Variants in IRF7 observed in about 807,000 individuals in gnomAD.
IRF7 encodes interferon regulatory factor-7H.
A neutral mutation model predicts 51.3 loss-of-function variants in IRF7; 67 were observed. The ratio of observed to expected loss-of-function variants is 1.31; its 90% CI spans 1.07 to 1.60. The LOEUF is 1.60. Ranked by LOEUF, IRF7 falls within the 40% of genes most tolerant of loss-of-function variation. The pLI is 0.00. For synonymous variants in IRF7, 427 were observed against 301.3 expected, an observed-to-expected ratio of 1.42 and a Z score of -4.32; for missense variants, 873 against 701.5, an observed-to-expected ratio of 1.24 and a Z score of -2.76.
Position 615,483 on chromosome 11 carries a change from G to T in IRF7, c.-119C>A. On this transcript the variant is annotated 5_prime_UTR_variant, in exon 2 of 11. Transcript: ENST00000525445. ...GGTCGTGTGGCCAGGTGTCACAGGT[G>T]TCCACAGGTGTGGACTGAGGGCTTG... is the stretch of plus-strand genomic sequence containing the variant. The T allele has an allele frequency of 8.4e-7, 1 of 1,192,632 alleles. No homozygotes were observed. Among genetic ancestry groups the T allele is most frequent in the Non-Finnish European group, 1.1e-6 (1 of 878,328 alleles). 73.9% of individuals were successfully genotyped at this position (1,192,632 alleles called of 1,614,324 possible). A position where few individuals can be genotyped will look rare whatever the true frequency, so the allele number is the denominator to read the frequency against.
rs979593621 is a variant in IRF7, at chr11:613,309, C to T, written c.1134G>A (p.Trp378Ter). The part of the protein sequence containing the change: ...ARRMGKCKVY[W>*]EVGGPPGSAS... The stretch of plus-strand genomic sequence containing the variant: ...CGGAGCCTGGGGGTCCGCCCACCTC[C>T]CAGTACACCTTGCACTTGCCCATGC... The change falls in exon 9 of 11, where the codon TGG (tryptophan) becomes TGA (stop). Residue 378 changes from tryptophan (W) to a stop codon, truncating the protein, a stop_gained. Transcript: ENST00000525445. LOFTEE classifies it high-confidence loss of function. 1 of 1,611,866 alleles carries T rather than the reference C, an allele frequency of 6.2e-7. No homozygotes were observed. The highest frequency in any genetic ancestry group is 8.5e-7 in the Non-Finnish European group (1 of 1,179,640).
At chr11:615,322 G>C in intron 2 of IRF7, 23 bp downstream of exon 2, 1 of 1,562,176 alleles carries the variant, frequency 6.4e-7, no homozygotes, top group Non-Finnish European at 8.6e-7. Flanking sequence ...CTGGCATCTG[G>C]AGAGGGTGGG....
rs759055899 is a variant in IRF7, at chr11:614,275, G to A, written c.578C>T (p.Ala193Val). 1 of 1,612,388 alleles carries A rather than the reference G, an allele frequency of 6.2e-7. No homozygotes were observed. Among genetic ancestry groups the A allele is most frequent in the Non-Finnish European group, 8.5e-7 (1 of 1,179,676 alleles). The change falls in exon 6 of 11, where the codon GCA becomes GTA. Residue 193 changes from alanine to valine, a missense_variant. By Grantham distance (64) the Ala-to-Val change is moderately conservative. Coordinates refer to ENST00000525445, the MANE Select transcript of IRF7 (RefSeq NM_001572.5). Reference protein sequence around the residue: ...LLQAVQQSCLADHLLTASWGA... With the variant: ...LLQAVQQSCLVDHLLTASWGA... ...CCATGACGCTGTCAGCAGATGGTCT[G>A]CCAGGCAGCTCTGTTGCACTGCCTG...
At chr11:615,053 G>A (rs1438659681) in intron 3 of IRF7, 44 bp downstream of exon 3, 25 of 1,557,960 alleles carry the variant, frequency 1.6e-5, no homozygotes, top group Non-Finnish European at 2.0e-5. Flanking sequence ...CGGGGTCCTA[G>A]GCGGGCTCTC....
At position 615,289 on chromosome 11, in the gene IRF7, G is replaced by T. The variant is rs753951865; in HGVS notation, c.21-30C>A. ...GGGTGCCCGGCCGCGGAGAGTCAGG[G>T]CCGGCTGCAGGGCGCTCGGGGACTG... On this transcript the variant is annotated intron_variant, in intron 2 of 10. Coordinates refer to ENST00000525445, the MANE Select transcript of IRF7 (RefSeq NM_001572.5). 2.5e-6 allele frequency: 4 copies of T among 1,575,970 alleles called. No homozygotes were observed. Among genetic ancestry groups the T allele is most frequent in the African/African-American group, 2.7e-5 (2 of 74,378 alleles).
Position 613,258 on chromosome 11 carries a change from C to A in IRF7, c.1185G>T (p.Leu395=). 1.3e-6 allele frequency: 2 copies of A among 1,599,240 alleles called. No homozygotes were observed. The highest frequency in any genetic ancestry group is 8.5e-7 in the Non-Finnish European group (1 of 1,173,810). Residue 395 remains leucine, a synonymous_variant, in exon 9 of 11, where the codon CTG becomes CTT. Transcript: ENST00000525445. ...TGGGGGTGTCACAGTTCCGAGGCAG[C>A]AGGCAGGCTGGGGTGGAGGGGCTGG... ...GSASPSTPAC[L]LPRNCDTPIF...
At position 614,411 on chromosome 11, in the gene IRF7, A is replaced by G; in HGVS notation, c.454-12T>C. The stretch of plus-strand genomic sequence containing the variant: ...CCTGGGGGCCCACCCTGCAGGGAAA[A>G]GTCAGGGTGAACGTAAGCAGCTCCG... On this transcript the variant is annotated splice_polypyrimidine_tract_variant and intron_variant, in intron 5 of 10. Transcript: ENST00000525445. The G allele has an allele frequency of 5.0e-6, 8 of 1,595,274 alleles. No homozygotes were observed. Among genetic ancestry groups the G allele is most frequent in the Non-Finnish European group, 6.8e-6 (8 of 1,171,200 alleles).
rs1168575723 is a variant in IRF7 at position 613,935 on chromosome 11, C to T, written c.766+16G>A. ...TCTCCCTGTGCCCCAGGCCTCCCAA[C>T]CCCTACCCCTCTCACCTGTCGTTAG... is the stretch of plus-strand genomic sequence containing the variant. On this transcript the variant is annotated intron_variant, in intron 7 of 10. Transcript: ENST00000525445. 1.2e-6 allele frequency: 2 copies of T among 1,604,326 alleles called. No homozygotes were observed. The highest frequency in any genetic ancestry group is 1.7e-6 in the Non-Finnish European group (2 of 1,176,924).
rs1442045473 is a variant in IRF7 at position 613,725 on chromosome 11, ACAAGCCGTGAGTGACGGGGGTGGG to A, written c.847+36_847+59del. ...GGATGTGAGTGATGGGTGGGCGGGG[ACAAGCCGTGAGTGACGGGGGTGGG>A]CGGGGACAGGCTGCCCCTTCCTGGG... On this transcript the variant is annotated intron_variant, in intron 8 of 10. Transcript: ENST00000525445. The A allele has an allele frequency of 3.9e-5, 40 of 1,019,934 alleles. 1 individual carries two copies. In the East Asian group the frequency reaches 7.9e-4, roughly 20 times the overall value. The allele number at this position is 1,019,934 out of a possible 1,614,324, so 63.2% of individuals were successfully genotyped here.
chr11:612,711 C>CAGGCAG lies in IRF7; in HGVS notation c.1440_1445dup (p.Cys481_Leu482dup). On this transcript the variant is annotated inframe_insertion, in exon 11 of 11. Transcript: ENST00000525445. ...CGTCATAGAGGCTGTTGGCGCTGGA[C>CAGGCAG]AGGCAGAGGCTGAGGCTGCTGCTAT... 1.9e-6 allele frequency: 3 copies of CAGGCAG among 1,612,944 alleles called. No individual in the cohort carries two copies. The highest frequency in any genetic ancestry group is 2.5e-6 in the Non-Finnish European group (3 of 1,180,008).
In IRF7 at chr11:615,085, TG is replaced by T. The variant is rs774493349; in HGVS notation, c.183+11del. Reference sequence around the variant, plus strand: ...TCTCCCACCCGGGGCGGGGCGGGGCTGGGGTCCCCACCTTGAAGATGCGCGC... The same window carrying T: ...TCTCCCACCCGGGGCGGGGCGGGGCTGGGTCCCCACCTTGAAGATGCGCGC... On this transcript the variant is annotated intron_variant, in intron 3 of 10. Transcript: ENST00000525445. 40 of 1,574,304 alleles carry T rather than the reference TG, an allele frequency of 2.5e-5. No individual in the cohort carries two copies. In the African/African-American group the frequency reaches 3.6e-4, roughly 14 times the overall value.
In IRF7 at chr11:613,096, C is replaced by T. The variant is rs377416331; in HGVS notation, c.1259G>A (p.Arg420Gln). 159 of 1,612,950 alleles carry T rather than the reference C, an allele frequency of 9.9e-5. 1 individual carries two copies. Among genetic ancestry groups the T allele is most frequent in the Middle Eastern group, 3.3e-4 (2 of 6,080 alleles). ...FFQELVEFRA[R>Q]QRRGSPRYTI... Reference sequence around the variant, plus strand: ...ATAGCGTGGGGAGCCACGGCGCTGCCGTGCCCGGAATTCCACCAGCTCTGA... The same window carrying T: ...ATAGCGTGGGGAGCCACGGCGCTGCTGTGCCCGGAATTCCACCAGCTCTGA... Residue 420 changes from arginine (R) to glutamine (Q), a missense_variant, in exon 10 of 11, where the codon CGG (arginine) becomes CAG (glutamine). By Grantham distance (43) the Arg-to-Gln change is conservative. Coordinates refer to ENST00000525445, the MANE Select transcript of IRF7 (RefSeq NM_001572.5).
intron 8 of IRF7, 51 bp downstream of exon 8, chr11:613,734 G>T (rs772341019): frequency 8.8e-7 from 1 of 1,134,194 alleles, no homozygotes. Flanking sequence ...GACAAGCCGT[G>T]AGTGACGGGG....
chr11:614,402 G>T lies in IRF7; in HGVS notation c.454-3C>A. ...AGGAATGGCCCTGGGGGCCCACCCT[G>T]CAGGGAAAAGTCAGGGTGAACGTAA... On this transcript the variant is annotated splice_polypyrimidine_tract_variant and splice_region_variant and intron_variant, in intron 5 of 10. Coordinates refer to ENST00000525445, the MANE Select transcript of IRF7 (RefSeq NM_001572.5). 6.3e-7 allele frequency: 1 copy of T among 1,598,714 alleles called. No individual in the cohort carries two copies.
At position 615,120 on chromosome 11, in the gene IRF7, C is replaced by CGCTCAGGTCCTT. The variant is rs1856762286; in HGVS notation, c.148_159dup (p.Lys50_Ser53dup). On this transcript the variant is annotated inframe_insertion, in exon 3 of 11. Transcript: ENST00000525445. ...ACCTTGAAGATGCGCGCGTCGGCCT[C>CGCTCAGGTCCTT]GCTCAGGTCCTTGCGCGCGAAGTGC... is the stretch of plus-strand genomic sequence containing the variant. The CGCTCAGGTCCTT allele has an allele frequency of 6.3e-7, 1 of 1,598,106 alleles. No individual in the cohort carries two copies. The highest frequency in any genetic ancestry group is 8.5e-7 in the Non-Finnish European group (1 of 1,177,516).
Position 615,257 on chromosome 11 carries a change from G to T in IRF7, c.23C>A (p.Ala8Glu). MALAPER[A>E]APRVLFGEWL... The stretch of plus-strand genomic sequence containing the variant: ...CTCTCCGAACAGCACGCGTGGGGCT[G>T]CCCTGCGGGTGCCCGGCCGCGGAGA... Residue 8 changes from alanine (A) to glutamate (E), a missense_variant and splice_region_variant, in exon 3 of 11, where the codon GCA (alanine) becomes GAA (glutamate). By Grantham distance (107) the Ala-to-Glu change is moderately radical. Transcript: ENST00000525445. The T allele has an allele frequency of 6.3e-7, 1 of 1,579,968 alleles. No individual in the cohort carries two copies.
Position 615,156 on chromosome 11 carries a change from C to T in IRF7, c.124G>A (p.Val42Met), listed in dbSNP as rs1856764940. The change falls in exon 3 of 11, where the codon GTG becomes ATG. Residue 42 changes from valine to methionine, a missense_variant. Val to Met is a conservative substitution (Grantham distance 21). Coordinates refer to ENST00000525445, the MANE Select transcript of IRF7 (RefSeq NM_001572.5). The part of the protein sequence containing the change: ...WLDEARTCFR[V>M]PWKHFARKDL... ...TTGCGCGCGAAGTGCTTCCAGGGCA[C>T]GCGGAAACAGGTGCGGGCCTCGTCC... 3 of 1,604,096 alleles carry T rather than the reference C, an allele frequency of 1.9e-6. No homozygotes were observed. Among genetic ancestry groups the T allele is most frequent in the Non-Finnish European group, 8.5e-7 (1 of 1,179,190 alleles).
chr11:615,651 C>G lies in IRF7; in HGVS notation c.-283-4G>C. The G allele has an allele frequency of 2.5e-6, 1 of 400,818 alleles. No homozygotes were observed. The allele number at this position is 400,818 out of a possible 1,614,324, so 24.8% of individuals were successfully genotyped here. ...GCGGGAAGGCGCAGGCCGGACCCTGCGGAGACGGGAAAGGCGACGTCAGGG... is the reference window on the plus strand; with the variant it reads ...GCGGGAAGGCGCAGGCCGGACCCTGGGGAGACGGGAAAGGCGACGTCAGGG... On this transcript the variant is annotated splice_region_variant and splice_polypyrimidine_tract_variant and intron_variant, in intron 1 of 10. Transcript: ENST00000525445.
chr11:613,362 G>C lies in IRF7; in HGVS notation c.1081C>G (p.Leu361Val). Residue 361 changes from leucine to valine, a missense_variant, in exon 9 of 11, where the codon CTT becomes GTT. Transcript: ENST00000525445. The stretch of plus-strand genomic sequence containing the variant: ...CGGGCCCACAGCTGTGGCCCCCGAA[G>C]CTCCAGGTGCAACCCAGGGGCCACG... ...RHVAPGLHLELRGPQLWARRM... is the reference protein window; with the variant it reads ...RHVAPGLHLEVRGPQLWARRM... The C allele has an allele frequency of 6.2e-7, 1 of 1,610,512 alleles. No individual in the cohort carries two copies. The highest frequency in any genetic ancestry group is 8.5e-7 in the Non-Finnish European group (1 of 1,179,148).
Sources: allele counts gnomAD v4.1 joint callset, GRCh38; gene constraint gnomAD v4.1.1; transcripts MANE v1.5; gene names NCBI Gene and HGNC (gene_info 2026-07-23, HGNC 2026-07-21).